Variants in STK4 observed in about 807,000 individuals in gnomAD.
STK4 encodes the protein serine/threonine kinase 4, also known as serine/threonine-protein kinase 4.
STK4 carries 30 observed loss-of-function variants against 64.9 expected under a neutral mutation model. The ratio of observed to expected loss-of-function variants is 0.46; its 90% CI spans 0.35 to 0.63. The LOEUF (loss-of-function observed/expected upper bound fraction) is 0.63, where lower values mean the gene tolerates loss of function less well. Among genes scored for constraint, STK4 ranks in the 20% least tolerant of loss-of-function variants. The pLI is 0.01. For missense variants in STK4, 466 were observed against 598.5 expected (o/e 0.78, Z 2.31); for synonymous variants, 177 against 199.0 (o/e 0.89, Z 0.93).
chr20:45,010,450 G>A lies in STK4; in HGVS notation c.1147+9097G>A, dbSNP rs754180812. On this transcript the variant is annotated intron_variant, in intron 9 of 10. Coordinates refer to ENST00000372806, the MANE Select transcript of STK4 (RefSeq NM_006282.5). ...GCTAATAATAATTATTAGTGATTAG[G>A]CACTTAATATATACCACACACTGTG... is the stretch of plus-strand genomic sequence containing the variant. Among the ~76,000 whole-genome samples, 71 of 152,064 alleles carry A rather than the reference G, an allele frequency of 4.7e-4. 2 individuals are homozygous for A. Among genetic ancestry groups the A allele is most frequent in the African/African-American group, 1.2e-4 (5 of 41,404 alleles).
chr20:45,052,802 G>T (rs936072091), intron 10 of STK4, among the ~76,000 whole-genome samples: 2 of 152,174 alleles, frequency 1.3e-5, no homozygotes, highest in African/African-American at 4.8e-5. Context: ...CTAGAAGAAA[G>T]ATGAATGGAG....
intron 10 of STK4, among the ~76,000 whole-genome samples, chr20:45,033,720 C>G (rs553844490): frequency 6.6e-6 from 1 of 152,216 alleles, no homozygotes. Flanking sequence ...GCTGAGATTA[C>G]AGGCACCTGC....
At chr20:45,038,137 GT>G (rs1348731511) in intron 10 of STK4, among the ~76,000 whole-genome samples, 1 of 151,996 alleles carries the variant, frequency 6.6e-6, no homozygotes, top group Non-Finnish European at 1.5e-5. Flanking sequence ...GCCTTTAATG[GT>G]AAGGTAAAAT....
intron 10 of STK4, among the ~76,000 whole-genome samples, chr20:45,061,184 T>C (rs1978965397): frequency 6.6e-6 from 1 of 152,194 alleles, no homozygotes; most frequent in African/African-American, 2.4e-5. Context: ...TAGCAAGTCG[T>C]AAAGGCTCAT....
At chr20:45,046,451 A>G (rs2068696807) in intron 10 of STK4, among the ~76,000 whole-genome samples, 1 of 151,664 alleles carries the variant, frequency 6.6e-6, no homozygotes, top group African/African-American at 2.4e-5. Flanking sequence ...AAAAGGAAAA[A>G]AAAAAAAAAG....
At chr20:45,010,124 A>T (rs2068018353) in intron 9 of STK4, among the ~76,000 whole-genome samples, 1 of 152,032 alleles carries the variant, frequency 6.6e-6, no homozygotes, top group Admixed American at 6.6e-5. Context: ...GCTGGAGTGC[A>T]GTGGTGCGAT....
chr20:44,989,126 T>A (rs1280994345), intron 5 of STK4, among the ~76,000 whole-genome samples: 1 of 152,218 alleles, frequency 6.6e-6, no homozygotes, highest in Non-Finnish European at 1.5e-5. Context: ...GTTGTTTTCA[T>A]GTGATACACA....
rs143954152 is a variant in STK4 at position 45,020,959 on chromosome 20, G to A, written c.1148-4014G>A. 8.1e-3 allele frequency among the ~76,000 whole-genome samples: 1,224 copies of A among 151,884 alleles called. 17 individuals are homozygous for A. The highest frequency in any genetic ancestry group is 0.028 in the African/African-American group (1,162 of 41,364). ...CCCAAATATTTGAGACCACAGGTGC[G>A]TGCCACCACACCCAGCTAATTTTTT... On this transcript the variant is annotated intron_variant, in intron 9 of 10. Coordinates refer to ENST00000372806, the MANE Select transcript of STK4 (RefSeq NM_006282.5).
At position 45,006,253 on chromosome 20, in the gene STK4, G is replaced by GTATTTATTTATT. The variant is rs71197590; in HGVS notation, c.1147+4917_1147+4928dup. On this transcript the variant is annotated intron_variant, in intron 9 of 10. Coordinates refer to ENST00000372806, the MANE Select transcript of STK4 (RefSeq NM_006282.5). ...ATTTTTGTTTCATTTTGTTTCGGAT[G>GTATTTATTTATT]TATTTATTTATTTATTTATTTATTT... Among the ~76,000 whole-genome samples the GTATTTATTTATT allele has an allele frequency of 3.5e-3, 513 of 146,900 alleles. 1 individual carries two copies. Among genetic ancestry groups the GTATTTATTTATT allele is most frequent in the African/African-American group, 0.012 (479 of 40,370 alleles).
intron 10 of STK4, among the ~76,000 whole-genome samples, chr20:45,052,280 C>G (rs941092435): frequency 1.3e-5 from 2 of 152,012 alleles, no homozygotes; most frequent in African/African-American, 2.4e-5. Flanking sequence ...CTCTTCCACC[C>G]CCCCCAGCAA....
intron 5 of STK4, among the ~76,000 whole-genome samples, chr20:44,988,523 ATG>A (rs371237761): frequency 1.8e-5 from 2 of 108,594 alleles, no homozygotes; most frequent in East Asian, 3.0e-4. Flanking sequence ...GTGTATATAT[ATG>A]TGTGTGTGTA....
chr20:45,012,256 G>C (rs1425260043), intron 9 of STK4, among the ~76,000 whole-genome samples: 1 of 151,992 alleles, frequency 6.6e-6, no homozygotes, highest in East Asian at 1.9e-4. Flanking sequence ...GGATGGTCTC[G>C]ATCTCCTGAC....
intron 10 of STK4, among the ~76,000 whole-genome samples, chr20:45,042,758 A>G (rs1004682954): frequency 1.4e-5 from 2 of 139,738 alleles, no homozygotes; most frequent in African/African-American, 5.0e-5. Context: ...ACTGCTACTG[A>G]GAAAAAAACA....
intron 10 of STK4, among the ~76,000 whole-genome samples, chr20:45,066,436 T>G (rs1246473468): frequency 6.6e-6 from 1 of 152,250 alleles, no homozygotes; most frequent in African/African-American, 2.4e-5. Flanking sequence ...ACACGCACGA[T>G]GTACTGAGTC....
rs1979481915 is a variant in STK4 at position 45,065,430 on chromosome 20, T to G, written c.1306-9588T>G. On this transcript the variant is annotated intron_variant, in intron 10 of 10. Transcript: ENST00000372806. ...GTTTTTTTGTTTTTGTTTTTGTTTT[T>G]TGGTGGTTGTTGTTGTTGTATCTCT... Among the ~76,000 whole-genome samples, 2 of 152,152 alleles carry G rather than the reference T, an allele frequency of 1.3e-5. 1 individual carries two copies. Among genetic ancestry groups the G allele is most frequent in the Admixed American group, 1.3e-4 (2 of 15,278 alleles).
At chr20:45,005,647 C>CAAAAAAAAA (rs1214893882) in intron 9 of STK4, among the ~76,000 whole-genome samples, 1 of 65,702 alleles carries the variant, frequency 1.5e-5, no homozygotes, top group Non-Finnish European at 3.1e-5. Context: ...GACTCTGTCT[C>CAAAAAAAAA]AAAAAAAAAA....
chr20:45,028,957 C>A (rs920340909), intron 10 of STK4, among the ~76,000 whole-genome samples: 5 of 152,072 alleles, frequency 3.3e-5, no homozygotes, highest in Non-Finnish European at 7.4e-5. Context: ...GCACAGTGAC[C>A]AGGTTAGCAC....
At chr20:44,967,448 G>T (rs946322112) in intron 1 of STK4, among the ~76,000 whole-genome samples, 2 of 152,160 alleles carry the variant, frequency 1.3e-5, no homozygotes, top group African/African-American at 4.8e-5. Context: ...AATTGCTTTA[G>T]TTCAAGATCA....
intron 7 of STK4, among the ~76,000 whole-genome samples, chr20:44,998,731 C>A (rs925315623): frequency 1.6e-4 from 24 of 152,272 alleles, no homozygotes; most frequent in African/African-American, 5.3e-4. Context: ...GAAATAGATA[C>A]CTGTGCCTGG....
Sources: gnomAD v4.1 joint callset for allele counts (sites outside exome capture counted in the v4.1 genomes callset) on GRCh38, gnomAD v4.1.1 for gene constraint, MANE v1.5 for transcripts, NCBI Gene and HGNC (gene_info 2026-07-23, HGNC 2026-07-21) for gene names.